NDUFS4: variants seen among roughly 807,000 people sequenced by gnomAD.
NDUFS4 encodes NADH:ubiquinone oxidoreductase subunit S4.
In NDUFS4, 28 loss-of-function variants were observed where a neutral mutation model predicts 24.3. The observed-to-expected ratio is 1.15, with a 90% confidence interval of 0.85 to 1.58. NDUFS4 has a LOEUF of 1.58. NDUFS4 is among the 40% of genes most tolerant of loss of function. The pLI, the probability that NDUFS4 is intolerant of heterozygous loss-of-function variation, is 0.00. For synonymous variants in NDUFS4, 93 were observed against 69.7 expected (o/e 1.34, Z -1.67); for missense variants, 223 against 207.9 (o/e 1.07, Z -0.45).
chr5:53,677,429 A>G (rs985491911), intron 4 of NDUFS4, among the ~76,000 whole-genome samples: 1 of 152,154 alleles, frequency 6.6e-6, no homozygotes. Flanking sequence ...TTGCCAGTGT[A>G]TCCGAAACCT....
intron 2 of NDUFS4, among the ~76,000 whole-genome samples, chr5:53,638,003 G>A (rs1265052427): frequency 1.3e-5 from 2 of 152,110 alleles, no homozygotes; most frequent in African/African-American, 4.8e-5. Flanking sequence ...AAAGTCTGAT[G>A]AGCGTTCATT....
At chr5:53,641,276 T>TAAA (rs1751700146) in intron 2 of NDUFS4, among the ~76,000 whole-genome samples, 1 of 152,184 alleles carries the variant, frequency 6.6e-6, no homozygotes, top group African/African-American at 2.4e-5. Flanking sequence ...CCTTTGCTTT[T>TAAA]AGCCAAGGCT....
chr5:53,570,945 A>G (rs112824484), intron 1 of NDUFS4, among the ~76,000 whole-genome samples: 64 of 152,066 alleles, frequency 4.2e-4, no homozygotes, highest in African/African-American at 1.3e-3. Flanking sequence ...CGGCCTCCCA[A>G]AGCGCTGGAA....
chr5:53,670,287 T>TA (rs907703119), intron 4 of NDUFS4, among the ~76,000 whole-genome samples: 1 of 147,376 alleles, frequency 6.8e-6, no homozygotes, highest in Admixed American at 6.8e-5. Context: ...ATGATGCTAG[T>TA]AGATCTTAAA....
chr5:53,682,347 T>TAGAC (rs1361097447), intron 4 of NDUFS4, among the ~76,000 whole-genome samples: 2 of 151,938 alleles, frequency 1.3e-5, no homozygotes, highest in South Asian at 2.1e-4. Flanking sequence ...CAGAAGAGAA[T>TAGAC]AGACAGACAC....
At chr5:53,592,203 C>T (rs890666561) in intron 1 of NDUFS4, among the ~76,000 whole-genome samples, 4 of 152,112 alleles carry the variant, frequency 2.6e-5, no homozygotes, top group African/African-American at 7.2e-5. Context: ...CCGCCCGCCT[C>T]GGCCTCCCAA....
chr5:53,573,491 A>G, intron 1 of NDUFS4: 2 of 391,776 alleles, frequency 5.1e-6, no homozygotes, highest in Non-Finnish European at 9.9e-6. Flanking sequence ...TGTAGTTTTG[A>G]GCGTGCAGAT....
intron 1 of NDUFS4, among the ~76,000 whole-genome samples, chr5:53,593,084 A>G (rs555909000): frequency 7.9e-5 from 12 of 152,060 alleles, no homozygotes; most frequent in Non-Finnish European, 1.3e-4. Flanking sequence ...ACATGCTTCT[A>G]TTTCCTAGAA....
intron 2 of NDUFS4, among the ~76,000 whole-genome samples, chr5:53,622,766 T>C (rs1293932840): frequency 1.3e-5 from 2 of 152,232 alleles, no homozygotes; most frequent in Non-Finnish European, 2.9e-5. Flanking sequence ...TTACCATTTT[T>C]AAGAGCACAA....
chr5:53,676,782 C>T (rs1344787883), intron 4 of NDUFS4, among the ~76,000 whole-genome samples: 1 of 152,106 alleles, frequency 6.6e-6, no homozygotes, highest in African/African-American at 2.4e-5. Context: ...CACAAATGAC[C>T]ACAGAAGCAC....
intron 3 of NDUFS4, among the ~76,000 whole-genome samples, chr5:53,648,224 T>G (rs1751919692): frequency 6.6e-6 from 1 of 152,132 alleles, no homozygotes; most frequent in South Asian, 2.1e-4. Context: ...AGCCGCCATG[T>G]CATGGTTATA....
intron 2 of NDUFS4, among the ~76,000 whole-genome samples, chr5:53,634,015 C>A (rs75240607): frequency 6.6e-6 from 1 of 152,142 alleles, no homozygotes; most frequent in Non-Finnish European, 1.5e-5. Flanking sequence ...AAAGAATACA[C>A]GTGTACATTC....
chr5:53,591,452 T>TG (rs1196547590), intron 1 of NDUFS4, among the ~76,000 whole-genome samples: 1 of 59,626 alleles, frequency 1.7e-5, no homozygotes, highest in Non-Finnish European at 4.6e-5. Flanking sequence ...ACTTTTTGTT[T>TG]GTTTTTTTTG....
At chr5:53,603,356 A>T (rs1750389396) in intron 1 of NDUFS4, 96 bp from the exon 2 acceptor site, 1 of 771,586 alleles carries the variant, frequency 1.3e-6, no homozygotes, top group Non-Finnish European at 2.1e-6. Context: ...TTTTTTAATA[A>T]GACAGATATT....
intron 1 of NDUFS4, among the ~76,000 whole-genome samples, chr5:53,594,514 A>G (rs529219287): frequency 8.5e-4 from 129 of 152,124 alleles, no homozygotes; most frequent in Middle Eastern, 3.4e-3. Flanking sequence ...TATTTAGACT[A>G]TTTGCATTTA....
chr5:53,641,280 C>T (rs1054491244), intron 2 of NDUFS4, among the ~76,000 whole-genome samples: 1 of 152,060 alleles, frequency 6.6e-6, no homozygotes, highest in African/African-American at 2.4e-5. Flanking sequence ...TGCTTTTAGC[C>T]AAGGCTTTCC....
In NDUFS4 at chr5:53,683,196, A is replaced by C; in HGVS notation, c.503A>C (p.Lys168Thr). Residue 168 changes from lysine (K) to threonine (T), a missense_variant, in exon 5 of 5, where the codon AAA becomes ACA. Physicochemically the swap from Lys to Thr is moderately conservative, Grantham distance 78 (BLOSUM62 -1). Coordinates refer to ENST00000296684, the MANE Select transcript of NDUFS4 (RefSeq NM_002495.4). ...KSYGANFSWNKRTRVSTK is the reference protein window; with the variant it reads ...KSYGANFSWNTRTRVSTK ...TATGGTGCAAACTTTTCTTGGAACA[A>C]AAGAACAAGAGTATCCACAAAATAG... The C allele has an allele frequency of 6.2e-7, 1 of 1,610,918 alleles. No homozygotes were observed. Among genetic ancestry groups the C allele is most frequent in the Non-Finnish European group, 8.5e-7 (1 of 1,177,450 alleles).
intron 4 of NDUFS4, among the ~76,000 whole-genome samples, chr5:53,663,850 T>A (rs111534168): frequency 4.1e-4 from 62 of 152,318 alleles, no homozygotes; most frequent in African/African-American, 1.3e-3. Context: ...TTAATATTGT[T>A]ATGTGTGAAT....
chr5:53,647,501 G>A (rs907881937), intron 3 of NDUFS4, among the ~76,000 whole-genome samples: 1 of 152,130 alleles, frequency 6.6e-6, no homozygotes, highest in Non-Finnish European at 1.5e-5. Flanking sequence ...ACAGGTGTGA[G>A]CCACCATGCC....
Sources: gnomAD v4.1 joint callset for allele counts (sites outside exome capture counted in the v4.1 genomes callset) on GRCh38, gnomAD v4.1.1 for gene constraint, MANE v1.5 for transcripts, NCBI Gene and HGNC (gene_info 2026-07-23, HGNC 2026-07-21) for gene names.